The following NEGR1 variants were observed in gnomAD, a reference collection of about 807,000 sequenced individuals.
NEGR1 encodes the protein neuronal growth regulator 1.
NEGR1 carries 10 observed loss-of-function variants against 40.9 expected under a neutral mutation model. The ratio of observed to expected loss-of-function variants is 0.24; its 90% CI spans 0.15 to 0.42. NEGR1 has a LOEUF of 0.42. Among genes scored for constraint, NEGR1 ranks in the 10% least tolerant of loss-of-function variants. The pLI is 1.00. For missense variants in NEGR1, 352 were observed against 438.9 expected (o/e 0.80, Z 1.77); for synonymous variants, 185 against 166.8 (o/e 1.11, Z -0.84).
At chr1:71,612,373 C>T (rs769092493) in intron 4 of NEGR1, among the ~76,000 whole-genome samples, 1 of 152,148 alleles carries the variant, frequency 6.6e-6, no homozygotes, top group Non-Finnish European at 1.5e-5. Context: ...GTGCCTAGCA[C>T]AGTGTGATGC....
chr1:71,571,598 T>G (rs1292842748), intron 6 of NEGR1, among the ~76,000 whole-genome samples: 1 of 152,078 alleles, frequency 6.6e-6, no homozygotes, highest in Non-Finnish European at 1.5e-5. Flanking sequence ...AAGACCAGCC[T>G]GGGCAACATG....
chr1:71,414,878 C>T (rs1646345193), intron 6 of NEGR1, among the ~76,000 whole-genome samples: 1 of 152,110 alleles, frequency 6.6e-6, no homozygotes, highest in Non-Finnish European at 1.5e-5. Context: ...ATACCATGGT[C>T]CTCTTTTCAA....
intron 4 of NEGR1, among the ~76,000 whole-genome samples, chr1:71,623,214 G>A (rs1395680754): frequency 1.3e-5 from 2 of 151,590 alleles, no homozygotes; most frequent in Non-Finnish European, 1.5e-5. Context: ...CCTCAACCCC[G>A]CCTTCAGTTA....
rs773330032 is a variant in NEGR1 at position 71,403,001 on chromosome 1, G to T, written c.*4445C>A. On this transcript the variant is annotated 3_prime_UTR_variant, in exon 7 of 7. Transcript: ENST00000357731. ...GTTTTTTTGTGGAGGGAGGGCTTTG[G>T]TGTATATAGATTTCTCAGAATAGCA... 5 of 152,198 alleles carry T rather than the reference G, an allele frequency of 3.3e-5. No homozygotes were observed. The highest frequency in any genetic ancestry group is 3.4e-3 in the Middle Eastern group (1 of 294). The allele number at this position is 152,198 out of a possible 1,614,324, so 9.4% of individuals were successfully genotyped here.
intron 6 of NEGR1, among the ~76,000 whole-genome samples, chr1:71,588,980 T>G (rs761481471): frequency 2.0e-4 from 30 of 152,160 alleles, no homozygotes; most frequent in Non-Finnish European, 3.8e-4. Flanking sequence ...CTTCTTCTTT[T>G]CATAGCCTAA....
intron 1 of NEGR1, among the ~76,000 whole-genome samples, chr1:72,249,796 TACAC>T (rs1330133021): frequency 1.3e-5 from 2 of 152,174 alleles, no homozygotes; most frequent in African/African-American, 4.8e-5. Context: ...AAGGGAATAA[TACAC>T]ATATTGCCTG....
At chr1:72,037,142 T>C (rs1230741021) in intron 1 of NEGR1, among the ~76,000 whole-genome samples, 1 of 152,114 alleles carries the variant, frequency 6.6e-6, no homozygotes, top group African/African-American at 2.4e-5. Context: ...CCTTAAATAT[T>C]TTCTTCTTCC....
chr1:71,869,887 T>C (rs924320199), intron 2 of NEGR1, among the ~76,000 whole-genome samples: 12 of 150,300 alleles, frequency 8.0e-5, no homozygotes, highest in African/African-American at 2.2e-4. Context: ...TTCTTTCTTT[T>C]TTTTTTTTTT....
At chr1:72,018,750 C>T (rs1195816256) in intron 1 of NEGR1, among the ~76,000 whole-genome samples, 1 of 152,120 alleles carries the variant, frequency 6.6e-6, no homozygotes, top group East Asian at 1.9e-4. Context: ...AGTATGGCTG[C>T]AGTGAGCTCA....
intron 2 of NEGR1, among the ~76,000 whole-genome samples, chr1:71,861,689 T>A (rs1659952202): frequency 6.6e-6 from 1 of 152,108 alleles, no homozygotes; most frequent in Admixed American, 6.6e-5. Flanking sequence ...AAGCATAAAA[T>A]GAAATTAATT....
intron 6 of NEGR1, among the ~76,000 whole-genome samples, chr1:71,469,356 A>G (rs1337815817): frequency 6.6e-6 from 1 of 152,066 alleles, no homozygotes; most frequent in Admixed American, 6.6e-5. Flanking sequence ...CACTTTTAGT[A>G]AGCAGGATCA....
intron 2 of NEGR1, among the ~76,000 whole-genome samples, chr1:71,922,659 C>T (rs1645731912): frequency 6.6e-6 from 1 of 152,006 alleles, no homozygotes; most frequent in Non-Finnish European, 1.5e-5. Context: ...CAATTGCATC[C>T]TAATTCAAAA....
chr1:71,544,265 C>T (rs991538370), intron 6 of NEGR1, among the ~76,000 whole-genome samples: 2 of 151,516 alleles, frequency 1.3e-5, no homozygotes, highest in Non-Finnish European at 3.0e-5. Flanking sequence ...TCAAAAGTGT[C>T]TAGGGGCAAG....
intron 6 of NEGR1, among the ~76,000 whole-genome samples, chr1:71,483,681 G>C (rs945171197): frequency 2.6e-5 from 4 of 151,708 alleles, no homozygotes; most frequent in Non-Finnish European, 4.4e-5. Context: ...TCATGTTCAG[G>C]CTCAGAGAGA....
rs558994067 is a variant in NEGR1 at position 71,880,103 on chromosome 1, A to G, written c.409+54976T>C. ...CAGTAATATTTTCAGAAGTATGTTA[A>G]CTTTAAACTTTCAGATTTCATAATG... On this transcript the variant is annotated intron_variant, in intron 2 of 6. Coordinates refer to ENST00000357731, the MANE Select transcript of NEGR1 (RefSeq NM_173808.3). Among the ~76,000 whole-genome samples the G allele has an allele frequency of 1.4e-3, 213 of 152,220 alleles. 2 individuals are homozygous for G. Among genetic ancestry groups the G allele is most frequent in the Non-Finnish European group, 2.4e-3 (166 of 67,954 alleles).
At chr1:71,655,426 G>A (rs1377327964) in intron 4 of NEGR1, among the ~76,000 whole-genome samples, 3 of 152,122 alleles carry the variant, frequency 2.0e-5, no homozygotes, top group Admixed American at 1.3e-4. Context: ...AAATTACATG[G>A]ACACATTTAC....
At position 71,525,519 on chromosome 1, in the gene NEGR1, C is replaced by T. The variant is rs76614436; in HGVS notation, c.940+67298G>A. On this transcript the variant is annotated intron_variant, in intron 6 of 6. Transcript: ENST00000357731. The stretch of plus-strand genomic sequence containing the variant: ...AGCTGAAATCCTCCTCACATTAACT[C>T]ACTCATTCATTTATGCATTTATGCA... Among the ~76,000 whole-genome samples, 38 of 151,826 alleles carry T rather than the reference C, an allele frequency of 2.5e-4. No homozygotes were observed. The East Asian group carries it at 7.2e-3, about 29-fold the overall frequency.
At chr1:71,746,209 T>C (rs1425365072) in intron 3 of NEGR1, among the ~76,000 whole-genome samples, 1 of 152,222 alleles carries the variant, frequency 6.6e-6, no homozygotes, top group Admixed American at 6.5e-5. Flanking sequence ...GCCATGACCC[T>C]TATGATGAGG....
chr1:71,452,804 A>G (rs946394968), intron 6 of NEGR1, among the ~76,000 whole-genome samples: 1 of 23,196 alleles, frequency 4.3e-5, no homozygotes, highest in Non-Finnish European at 2.0e-4. Context: ...AAACAAAGAA[A>G]CAAAAAAAAA....
Sources: allele counts gnomAD v4.1 joint callset (sites outside exome capture counted in the v4.1 genomes callset), GRCh38; gene constraint gnomAD v4.1.1; transcripts MANE v1.5; gene names NCBI Gene and HGNC (gene_info 2026-07-23, HGNC 2026-07-21).